The following NALCN variants were observed in gnomAD, a reference collection of about 807,000 sequenced individuals.
NALCN encodes sodium leak channel NALCN.
NALCN carries 111 observed loss-of-function variants against 225.3 expected under a neutral mutation model. The ratio of observed to expected loss-of-function variants is 0.49; its 90% CI spans 0.42 to 0.58. The LOEUF is 0.58. Ranked by LOEUF, NALCN falls within the 20% of genes least tolerant of loss-of-function variation. NALCN has a pLI of 0.00. For synonymous variants in NALCN, 764 were observed against 769.0 expected (o/e 0.99, Z 0.11); for missense variants, 1,378 against 2,202.4 (o/e 0.63, Z 7.49).
chr13:101,239,077 G>A (rs1250609921), intron 11 of NALCN, among the ~76,000 whole-genome samples: 3 of 151,800 alleles, frequency 2.0e-5, no homozygotes, highest in Admixed American at 6.6e-5. Flanking sequence ...CACAAAACAC[G>A]TGGATGAACT....
At chr13:101,102,897 A>C (rs1189756915) in intron 26 of NALCN, among the ~76,000 whole-genome samples, 2 of 152,212 alleles carry the variant, frequency 1.3e-5, no homozygotes, top group Non-Finnish European at 2.9e-5. Flanking sequence ...AGTAGGAATT[A>C]GAGTCAAGAG....
intron 13 of NALCN, among the ~76,000 whole-genome samples, chr13:101,210,721 T>C (rs750256076): frequency 1.1e-4 from 16 of 152,200 alleles, no homozygotes; most frequent in Non-Finnish European, 1.9e-4. Flanking sequence ...GAATTCAGCA[T>C]GCCATGCTAA....
chr13:101,162,395 C>T (rs1015626031), intron 15 of NALCN, among the ~76,000 whole-genome samples: 12 of 152,204 alleles, frequency 7.9e-5, no homozygotes, highest in Admixed American at 3.3e-4. Flanking sequence ...TCCAGAAGAA[C>T]GGAAAAGTAC....
intron 7 of NALCN, among the ~76,000 whole-genome samples, chr13:101,314,498 A>G (rs2044480453): frequency 1.3e-5 from 2 of 152,100 alleles, no homozygotes; most frequent in Admixed American, 6.6e-5. Context: ...GATGGTTCCT[A>G]TATTTTACAG....
chr13:101,335,300 C>T (rs1212177530), intron 7 of NALCN, among the ~76,000 whole-genome samples: 1 of 152,120 alleles, frequency 6.6e-6, no homozygotes, highest in East Asian at 1.9e-4. Context: ...AATATCTGGA[C>T]ACCTAATTTC....
Position 101,071,910 on chromosome 13 carries a change from G to A in NALCN, c.4197+1674C>T, listed in dbSNP as rs954901274. On this transcript the variant is annotated intron_variant, in intron 37 of 43. Transcript: ENST00000251127. ...TTCACTTGAACACTTATAGGCCATT[G>A]TAGGGTTGTGAATCGGCCTAATGTC... is the stretch of plus-strand genomic sequence containing the variant. Among the ~76,000 whole-genome samples, 14 of 152,158 alleles carry A rather than the reference G, an allele frequency of 9.2e-5. 1 individual carries two copies. The highest frequency in any genetic ancestry group is 3.4e-4 in the African/African-American group (14 of 41,430).
In NALCN at chr13:101,104,288, G is replaced by T; in HGVS notation, c.2889+7C>A. On this transcript the variant is annotated splice_region_variant and intron_variant, in intron 25 of 43. Coordinates refer to ENST00000251127, the MANE Select transcript of NALCN (RefSeq NM_052867.4). The surrounding 1 kb of genome is among the most constrained non-coding windows in gnomAD (Gnocchi z 4.2). ...ATTTTTCATTTAGGCAATAAGCAAAGACTTACAAGATATATAAATATGTCC... is the reference window on the plus strand; with the variant it reads ...ATTTTTCATTTAGGCAATAAGCAAATACTTACAAGATATATAAATATGTCC... The T allele has an allele frequency of 6.3e-7, 1 of 1,587,096 alleles. No individual in the cohort carries two copies. Among genetic ancestry groups the T allele is most frequent in the Non-Finnish European group, 8.5e-7 (1 of 1,171,718 alleles).
intron 13 of NALCN, among the ~76,000 whole-genome samples, chr13:101,199,412 A>G (rs1001731661): frequency 2.0e-5 from 3 of 151,988 alleles, no homozygotes; most frequent in Admixed American, 1.3e-4. Context: ...ATGTCCAACA[A>G]TTATAGACTG....
intron 26 of NALCN, among the ~76,000 whole-genome samples, chr13:101,102,325 T>A (rs1222172073): frequency 6.6e-6 from 1 of 152,050 alleles, no homozygotes; most frequent in Admixed American, 6.6e-5. Context: ...TATATACCTC[T>A]AGTAACATCA....
intron 10 of NALCN, among the ~76,000 whole-genome samples, chr13:101,279,833 A>G (rs923833863): frequency 1.0e-5 from 1 of 99,500 alleles, no homozygotes. Context: ...TAAATAAATA[A>G]ATAAAATAAA....
chr13:101,397,320 C>T (rs1042843062), intron 2 of NALCN, among the ~76,000 whole-genome samples: 2 of 149,724 alleles, frequency 1.3e-5, no homozygotes, highest in East Asian at 2.0e-4. Context: ...CTGCAAGAGG[C>T]AAAAACATGT....
chr13:101,306,950 G>T (rs1036017384), intron 7 of NALCN, among the ~76,000 whole-genome samples: 3 of 152,136 alleles, frequency 2.0e-5, no homozygotes, highest in Non-Finnish European at 4.4e-5. Flanking sequence ...GGTTTCTGAG[G>T]TAAGGGGTGG....
chr13:101,113,922 G>A (rs2139657730), intron 18 of NALCN, among the ~76,000 whole-genome samples: 1 of 152,302 alleles, frequency 6.6e-6, no homozygotes, highest in South Asian at 2.1e-4. Flanking sequence ...AGGAAGTTCA[G>A]TTTCTGGCCC....
At chr13:101,219,584 C>A (rs933908147) in intron 13 of NALCN, among the ~76,000 whole-genome samples, 7 of 152,160 alleles carry the variant, frequency 4.6e-5, no homozygotes, top group Non-Finnish European at 1.0e-4. Context: ...CTGACATGAT[C>A]ATTCCTAACA....
At chr13:101,276,818 T>C (rs2042986199) in intron 10 of NALCN, among the ~76,000 whole-genome samples, 1 of 152,088 alleles carries the variant, frequency 6.6e-6, no homozygotes, top group Non-Finnish European at 1.5e-5. Context: ...ACCATAATAA[T>C]GGAAATATTT....
chr13:101,141,523 T>G (rs1266634016), intron 17 of NALCN, among the ~76,000 whole-genome samples: 1 of 151,928 alleles, frequency 6.6e-6, no homozygotes, highest in Non-Finnish European at 1.5e-5. Flanking sequence ...AAAATCATCA[T>G]CATTTTCAGC....
At chr13:101,328,146 A>G (rs1375630919) in intron 7 of NALCN, among the ~76,000 whole-genome samples, 1 of 152,338 alleles carries the variant, frequency 6.6e-6, no homozygotes, top group East Asian at 1.9e-4. Context: ...AAGTCCTGCC[A>G]GGACATAGCG....
chr13:101,164,084 T>C (rs1409538945), intron 15 of NALCN, among the ~76,000 whole-genome samples: 1 of 152,064 alleles, frequency 6.6e-6, no homozygotes, highest in Non-Finnish European at 1.5e-5. Context: ...CTTAACCTGA[T>C]TGCATCTACA....
At chr13:101,060,066 T>G (rs1360783934) in intron 41 of NALCN, 99 bp from the exon 42 acceptor site, 5 of 1,370,772 alleles carry the variant, frequency 3.6e-6, no homozygotes, top group African/African-American at 1.4e-5. Context: ...TCCTAAGACC[T>G]GCATGACGGG....
Sources: allele counts gnomAD v4.1 joint callset (sites outside exome capture counted in the v4.1 genomes callset), GRCh38; gene constraint gnomAD v4.1.1; non-coding constraint Gnocchi (gnomAD v3.1); transcripts MANE v1.5; gene names NCBI Gene and HGNC (gene_info 2026-07-23, HGNC 2026-07-21).